The following SPSB1 variants were observed in gnomAD, a reference collection of about 807,000 sequenced individuals.
SPSB1 encodes the protein SPRY domain-containing SOCS box protein 1.
A neutral mutation model predicts 21.2 loss-of-function variants in SPSB1; 8 were observed. That is an observed-to-expected ratio of 0.38 (90% CI 0.22 to 0.68). The LOEUF (loss-of-function observed/expected upper bound fraction) is 0.68. SPSB1 is among the 30% of genes least tolerant of loss of function. The pLI, the probability that SPSB1 is intolerant of heterozygous loss-of-function variation, is 0.53. For synonymous variants in SPSB1, 169 were observed against 161.7 expected, an observed-to-expected ratio of 1.05 and a Z score of -0.34; for missense variants, 242 against 377.8, an observed-to-expected ratio of 0.64 and a Z score of 2.98.
chr1:9,366,600 A>G, intron 2 of SPSB1, among the ~76,000 whole-genome samples: 1 of 140,448 alleles, frequency 7.1e-6, no homozygotes. Flanking sequence ...TTTTGGACCG[A>G]GTCTTGCTCT....
intron 1 of SPSB1, among the ~76,000 whole-genome samples, chr1:9,295,189 GGAGTGTGTGTGTGTGTGTGA>G (rs1452781798): frequency 2.8e-4 from 41 of 148,470 alleles, no homozygotes; most frequent in Admixed American, 2.1e-3. Context: ...CCCAGTAGAT[GGAGTGTGTGTGTGTGTGTGA>G]GAGTGTGAGT....
At chr1:9,359,705 G>GGGAA (rs71580083) in intron 2 of SPSB1, among the ~76,000 whole-genome samples, 2 of 131,188 alleles carry the variant, frequency 1.5e-5, no homozygotes, top group Admixed American at 1.5e-4. Context: ...CCGTCTCTGG[G>GGGAA]AAAAAAAAAA....
At chr1:9,331,976 A>G (rs926941964) in intron 1 of SPSB1, among the ~76,000 whole-genome samples, 3 of 152,194 alleles carry the variant, frequency 2.0e-5, no homozygotes, top group East Asian at 3.8e-4. Context: ...CCAAAAACAA[A>G]TGTGCCAAAC....
rs1170699656 is a variant in SPSB1 at position 9,355,769 on chromosome 1, A to G, written c.-123A>G. The G allele has an allele frequency of 9.4e-6, 14 of 1,487,354 alleles. No homozygotes were observed. The highest frequency in any genetic ancestry group is 1.4e-5 in the African/African-American group (1 of 71,246). 92.1% of individuals were successfully genotyped at this position (1,487,354 alleles called of 1,614,324 possible). A position where few individuals can be genotyped will look rare whatever the true frequency, so the allele number is the denominator to read the frequency against. On this transcript the variant is annotated 5_prime_UTR_variant, in exon 2 of 3. Transcript: ENST00000328089. Reference sequence around the variant, plus strand: ...CAATACTGAACACTGCGCAGCTTGCAGAGGTCTCCTGGCAGCCCTCATTAG... The same window carrying G: ...CAATACTGAACACTGCGCAGCTTGCGGAGGTCTCCTGGCAGCCCTCATTAG...
intron 1 of SPSB1, among the ~76,000 whole-genome samples, chr1:9,303,030 C>T (rs1487862383): frequency 6.6e-6 from 1 of 152,152 alleles, no homozygotes; most frequent in Non-Finnish European, 1.5e-5. Flanking sequence ...GTAAGGCTGC[C>T]ACCTGGCTTC....
At chr1:9,349,717 G>A (rs576558731) in intron 1 of SPSB1, among the ~76,000 whole-genome samples, 7 of 152,334 alleles carry the variant, frequency 4.6e-5, no homozygotes, top group South Asian at 2.1e-4. Context: ...CGTGACTCAC[G>A]GCCTCTGGGC....
At position 9,361,156 on chromosome 1, in the gene SPSB1, C is replaced by CTTTTTTTTTTTTTTTTTTTTT. The variant is rs57871457; in HGVS notation, c.694+4578_694+4598dup. 4.4e-4 allele frequency among the ~76,000 whole-genome samples: 45 copies of CTTTTTTTTTTTTTTTTTTTTT among 102,566 alleles called. 2 individuals are homozygous for CTTTTTTTTTTTTTTTTTTTTT. The highest frequency in any genetic ancestry group is 1.8e-3 in the African/African-American group (43 of 24,220). The allele number at this position is 102,566 out of a possible 152,430, so 67.3% of individuals were successfully genotyped here. A position where few individuals can be genotyped will look rare whatever the true frequency, so the allele number is the denominator to read the frequency against. The stretch of plus-strand genomic sequence containing the variant: ...CAGGCATGGCTGGATCTGTCATTTT[C>CTTTTTTTTTTTTTTTTTTTTT]TTTTTTTTTTTTTTTTTTTTTTTTT... On this transcript the variant is annotated intron_variant, in intron 2 of 2. Coordinates refer to ENST00000328089, the MANE Select transcript of SPSB1 (RefSeq NM_025106.4).
At chr1:9,339,386 C>A in intron 1 of SPSB1, 1 of 822,534 alleles carries the variant, frequency 1.2e-6, no homozygotes, top group Non-Finnish European at 1.5e-6. Context: ...CAGGTTCTGG[C>A]AGGACCCAGG....
At chr1:9,311,096 C>T (rs1639512431) in intron 1 of SPSB1, among the ~76,000 whole-genome samples, 2 of 151,966 alleles carry the variant, frequency 1.3e-5, no homozygotes, top group African/African-American at 4.8e-5. Flanking sequence ...TCCCAGGCTC[C>T]CTGAAAGCCA....
chr1:9,351,674 A>G (rs1281179288), intron 1 of SPSB1: 1 of 152,284 alleles, frequency 6.6e-6, no homozygotes. Context: ...ATTTTAAAAT[A>G]GAAGGAAGAG....
rs867845376 is a variant in SPSB1 at position 9,324,953 on chromosome 1, G to A, written c.-149-30790G>A. Among the ~76,000 whole-genome samples the A allele has an allele frequency of 1.2e-4, 19 of 152,236 alleles. No homozygotes were observed. The highest frequency in any genetic ancestry group is 4.1e-4 in the African/African-American group (17 of 41,468). ...CAGGGACACCCGGCCTGGCGGGCTG[G>A]TGGATCGGAGGCGCCTGTGAGCGGG... On this transcript the variant is annotated intron_variant, in intron 1 of 2. Transcript: ENST00000328089. The surrounding 1 kb of genome is among the most constrained non-coding windows in gnomAD (Gnocchi z 4.3).
chr1:9,311,030 G>A (rs1314699960), intron 1 of SPSB1, among the ~76,000 whole-genome samples: 1 of 151,950 alleles, frequency 6.6e-6, no homozygotes, highest in African/African-American at 2.4e-5. Flanking sequence ...GTATCCTATC[G>A]GGCCAATTTG....
intron 1 of SPSB1, among the ~76,000 whole-genome samples, chr1:9,304,594 A>C (rs186418693): frequency 1.4e-3 from 207 of 152,270 alleles, no homozygotes; most frequent in African/African-American, 4.6e-3. Flanking sequence ...AACTAGTTGA[A>C]TGTGGGGTGT....
In SPSB1 at chr1:9,345,030, G is replaced by T. The variant is rs868458800; in HGVS notation, c.-149-10713G>T. Among the ~76,000 whole-genome samples, 1 of 152,224 alleles carries T rather than the reference G, an allele frequency of 6.6e-6. No individual in the cohort carries two copies. The highest frequency in any genetic ancestry group is 2.4e-5 in the African/African-American group (1 of 41,458). On this transcript the variant is annotated intron_variant, in intron 1 of 2. Transcript: ENST00000328089. The surrounding 1 kb of genome is among the most constrained non-coding windows in gnomAD (Gnocchi z 4.8). ...TGTCCAAGAGACTGCCTTGTTGGGG[G>T]AAAGTGGCAGACTTTGGATGCACTC...
In SPSB1 at chr1:9,356,086, C is replaced by T. The variant is rs775536560; in HGVS notation, c.195C>T (p.Val65=). 8 of 1,610,958 alleles carry T rather than the reference C, an allele frequency of 5.0e-6. No homozygotes were observed. The highest frequency in any genetic ancestry group is 4.0e-5 in the African/African-American group (3 of 74,862). The change falls in exon 2 of 3, where the codon GTC becomes GTT. Residue 65 remains valine (V), a synonymous_variant. Transcript: ENST00000328089. This position sits in a 1 kb window ranked among gnomAD's most constrained non-coding sequence, Gnocchi z 7.4. ...ACAACAACGACCGATCGCTCAATGT[C>T]TTTGTGAAGGAGGACGACAAGCTCA... ...SWNNNDRSLN[V]FVKEDDKLIF...
Position 9,293,257 on chromosome 1 carries a change from C to G in SPSB1, c.-150+186C>G, listed in dbSNP as rs1247318876. Among the ~76,000 whole-genome samples the G allele has an allele frequency of 6.7e-6, 1 of 149,050 alleles. No individual in the cohort carries two copies. The highest frequency in any genetic ancestry group is 2.4e-5 in the African/African-American group (1 of 40,990). On this transcript the variant is annotated intron_variant, in intron 1 of 2. Transcript: ENST00000328089. This position sits in a 1 kb window ranked among gnomAD's most constrained non-coding sequence, Gnocchi z 5.1. ...GGGACTCGGGGCGCGGCCCCTCCCG[C>G]GGTGGCTCCGGGGGCGCCTCCCTCG...
chr1:9,298,751 C>T (rs2100458391), intron 1 of SPSB1, among the ~76,000 whole-genome samples: 1 of 152,284 alleles, frequency 6.6e-6, no homozygotes, highest in African/African-American at 2.4e-5. Context: ...GGTTTGACTC[C>T]TGGTGGCTCC....
chr1:9,341,862 C>T (rs1640097306), intron 1 of SPSB1, among the ~76,000 whole-genome samples: 1 of 152,166 alleles, frequency 6.6e-6, no homozygotes, highest in Admixed American at 6.5e-5. Context: ...ACCACCACGC[C>T]CAGCTAATTT....
intron 1 of SPSB1, among the ~76,000 whole-genome samples, chr1:9,335,992 A>C (rs1045311321): frequency 6.2e-4 from 95 of 152,352 alleles, no homozygotes; most frequent in African/African-American, 2.2e-3. Flanking sequence ...CTGTGTAAGC[A>C]TCCAGCACTG....
Sources: gnomAD v4.1 joint callset for allele counts (sites outside exome capture counted in the v4.1 genomes callset) on GRCh38, gnomAD v4.1.1 for gene constraint, Gnocchi (gnomAD v3.1) non-coding constraint, MANE v1.5 for transcripts, NCBI Gene and HGNC (gene_info 2026-07-23, HGNC 2026-07-21) for gene names.